BBS9: variants seen among roughly 807,000 people sequenced by gnomAD.
BBS9 encodes the protein Bardet-Biedl syndrome 9.
BBS9 carries 89 observed loss-of-function variants against 117.7 expected under a neutral mutation model. That is an observed-to-expected ratio of 0.76 (90% confidence interval 0.64 to 0.90). The LOEUF (loss-of-function observed/expected upper bound fraction) is 0.90. BBS9 is among the 40% of genes least tolerant of loss of function. BBS9 has a pLI of 0.00. For missense variants in BBS9, 982 were observed against 1,042.2 expected (o/e 0.94, Z 0.80); for synonymous variants, 379 against 370.9 (o/e 1.02, Z -0.25).
chr7:33,284,325 GT>G (rs1802476327), intron 9 of BBS9, among the ~76,000 whole-genome samples: 1 of 152,022 alleles, frequency 6.6e-6, no homozygotes, highest in African/African-American at 2.4e-5. Flanking sequence ...GCTGTTTTTG[GT>G]AAGTTTTGCT....
chr7:33,603,369 T>C (rs1220180364), intron 21 of BBS9, among the ~76,000 whole-genome samples: 1 of 152,148 alleles, frequency 6.6e-6, no homozygotes, highest in African/African-American at 2.4e-5. Flanking sequence ...CTTTGCCTTT[T>C]TACTCAGTTG....
At chr7:33,341,015 T>A in intron 11 of BBS9, 42 bp downstream of exon 11, 2 of 1,540,924 alleles carry the variant, frequency 1.3e-6, no homozygotes, top group Non-Finnish European at 1.8e-6. Flanking sequence ...ATAAGAGTGG[T>A]AAACTCTGAT....
downstream of BBS9, among the ~76,000 whole-genome samples, chr7:33,607,357 G>T (rs1221515370): frequency 2.6e-5 from 4 of 152,048 alleles, no homozygotes; most frequent in Non-Finnish European, 2.9e-5. Context: ...AGAGAGATTT[G>T]AATCTTGAAA....
chr7:33,233,373 C>T (rs1792859087), intron 5 of BBS9, among the ~76,000 whole-genome samples: 1 of 151,948 alleles, frequency 6.6e-6, no homozygotes, highest in East Asian at 1.9e-4. Context: ...TACAAATAAT[C>T]TGTCTAGTAT....
At chr7:33,411,395 G>C (rs1433988454) in intron 19 of BBS9, among the ~76,000 whole-genome samples, 1 of 152,064 alleles carries the variant, frequency 6.6e-6, no homozygotes, top group Non-Finnish European at 1.5e-5. Flanking sequence ...CAAACCTATT[G>C]TTAAACACAC....
At chr7:33,337,025 T>C (rs1200825387) in intron 10 of BBS9, among the ~76,000 whole-genome samples, 1 of 152,174 alleles carries the variant, frequency 6.6e-6, no homozygotes, top group African/African-American at 2.4e-5. Flanking sequence ...CCAAAGCACA[T>C]GAGCTACCAT....
At chr7:33,527,890 A>G (rs1001288059) in intron 20 of BBS9, among the ~76,000 whole-genome samples, 1 of 152,240 alleles carries the variant, frequency 6.6e-6, no homozygotes, top group Non-Finnish European at 1.5e-5. Context: ...ATCTGAACCT[A>G]GATGTTTCCT....
At chr7:33,223,933 C>T (rs1397467106) in intron 5 of BBS9, among the ~76,000 whole-genome samples, 2 of 152,154 alleles carry the variant, frequency 1.3e-5, no homozygotes, top group Non-Finnish European at 2.9e-5. Context: ...AATGTTTGCT[C>T]TTATCAGTTA....
chr7:33,557,342 A>G (rs958742926), intron 21 of BBS9, among the ~76,000 whole-genome samples: 9 of 152,188 alleles, frequency 5.9e-5, no homozygotes, highest in Non-Finnish European at 1.2e-4. Context: ...GAAGGTCATC[A>G]TCATTACTTT....
intron 21 of BBS9, among the ~76,000 whole-genome samples, chr7:33,625,596 A>G (rs967820140): frequency 1.3e-5 from 2 of 152,340 alleles, no homozygotes; most frequent in African/African-American, 4.8e-5. Flanking sequence ...CCCTTTGCAC[A>G]TTCCTAAAGT....
At chr7:33,521,534 T>C in intron 20 of BBS9, among the ~76,000 whole-genome samples, 1 of 152,220 alleles carries the variant, frequency 6.6e-6, no homozygotes, top group South Asian at 2.1e-4. Context: ...TAAAAAGGAA[T>C]GGTACTGGGG....
At chr7:33,449,124 C>T (rs748371965) in intron 19 of BBS9, among the ~76,000 whole-genome samples, 1 of 152,120 alleles carries the variant, frequency 6.6e-6, no homozygotes, top group Non-Finnish European at 1.5e-5. Flanking sequence ...AAGGAAGAAA[C>T]CCAGGTCCTG....
chr7:33,598,660 A>C (rs955353132), intron 21 of BBS9, among the ~76,000 whole-genome samples: 1 of 152,242 alleles, frequency 6.6e-6, no homozygotes, highest in Non-Finnish European at 1.5e-5. Flanking sequence ...TCTAAAAAAT[A>C]AAATCTATTA....
chr7:33,182,592 C>T (rs1332487983), intron 5 of BBS9, among the ~76,000 whole-genome samples: 1 of 152,114 alleles, frequency 6.6e-6, no homozygotes, highest in East Asian at 1.9e-4. Flanking sequence ...GTTTTTATTT[C>T]CCAAAGATTA....
At chr7:33,541,285 C>T (rs760753627) in intron 21 of BBS9, among the ~76,000 whole-genome samples, 7 of 152,136 alleles carry the variant, frequency 4.6e-5, no homozygotes, top group Non-Finnish European at 7.3e-5. Flanking sequence ...ACAACCTTGA[C>T]TCTCTGTTTC....
At chr7:33,205,724 T>C (rs962786735) in intron 5 of BBS9, among the ~76,000 whole-genome samples, 8 of 152,156 alleles carry the variant, frequency 5.3e-5, no homozygotes, top group South Asian at 2.1e-4. Flanking sequence ...ATTTATGTCT[T>C]ATTTTCCTGT....
At chr7:33,346,137 CAG>C (rs2128651449) in intron 12 of BBS9, 1 of 362,488 alleles carries the variant, frequency 2.8e-6, no homozygotes, top group East Asian at 8.1e-5. Flanking sequence ...GGGACTCACA[CAG>C]CAGACACAAT....
rs533179267 is a variant in BBS9, at chr7:33,626,523, T to C, written c.2522-8654T>C. 9.8e-5 allele frequency among the ~76,000 whole-genome samples: 15 copies of C among 152,342 alleles called. 1 individual carries two copies. In the East Asian group the frequency reaches 2.7e-3, roughly 27 times the overall value. On this transcript the variant is annotated intron_variant, in intron 21 of 21. Coordinates refer to the BBS9 transcript ENST00000671952. ...AGGTAACAGAAAGTTTGGAACTTCC[T>C]AGAGACTTGTTAAAGTTGTGACCAA...
intron 21 of BBS9, among the ~76,000 whole-genome samples, chr7:33,553,909 G>A (rs975277240): frequency 1.3e-5 from 2 of 152,096 alleles, no homozygotes; most frequent in Non-Finnish European, 2.9e-5. Context: ...CTAAACATGA[G>A]AATTGCAGGT....
Sources: gnomAD v4.1 joint callset for allele counts (sites outside exome capture counted in the v4.1 genomes callset) on GRCh38, gnomAD v4.1.1 for gene constraint, MANE v1.5 for transcripts, NCBI Gene and HGNC (gene_info 2026-07-23, HGNC 2026-07-21) for gene names.